Variants in NAE1 observed in about 807,000 individuals in gnomAD.
NAE1 encodes NEDD8 activating enzyme E1 subunit 1, also known as NEDD8-activating enzyme E1 regulatory subunit.
NAE1 carries 59 observed loss-of-function variants against 88.0 expected under a neutral mutation model. The ratio of observed to expected loss-of-function variants is 0.67; its 90% confidence interval spans 0.54 to 0.83. The LOEUF (loss-of-function observed/expected upper bound fraction) is 0.83, where lower values mean the gene tolerates loss of function less well. Ranked by LOEUF, NAE1 falls within the 40% of genes least tolerant of loss-of-function variation. The pLI is 0.00. For synonymous variants in NAE1, 186 were observed against 208.9 expected (o/e 0.89, Z 0.95); for missense variants, 554 against 632.8 (o/e 0.88, Z 1.34).
intron 13 of NAE1, among the ~76,000 whole-genome samples, chr16:66,812,301 G>T (rs1165249165): frequency 6.6e-6 from 1 of 151,910 alleles, no homozygotes; most frequent in Non-Finnish European, 1.5e-5. Flanking sequence ...AATGGGGCCG[G>T]TAACAGTCTC....
intron 1 of NAE1, among the ~76,000 whole-genome samples, chr16:66,829,790 A>T (rs1960618532): frequency 6.6e-6 from 1 of 152,244 alleles, no homozygotes; most frequent in Non-Finnish European, 1.5e-5. Context: ...CTGTCCATTA[A>T]GGTAGCTGCT....
chr16:66,826,879 TATG>T (rs1446227504), intron 1 of NAE1, 99 bp from the exon 2 acceptor site: 11 of 1,055,218 alleles, frequency 1.0e-5, no homozygotes, highest in African/African-American at 8.0e-5. Flanking sequence ...CATAGACTGA[TATG>T]ATAACCACAG....
At chr16:66,808,741 G>C in intron 16 of NAE1, 128 bp from the exon 17 acceptor site, 1 of 741,420 alleles carries the variant, frequency 1.3e-6, no homozygotes, top group Non-Finnish European at 2.3e-6. Flanking sequence ...TACTGAAGTA[G>C]TAACATACTG....
chr16:66,830,758 G>T, intron 1 of NAE1, 89 bp downstream of exon 1: 2 of 1,290,652 alleles, frequency 1.5e-6, no homozygotes, highest in Non-Finnish European at 1.1e-6. Context: ...GCCTGAGGAA[G>T]GCCCGACCGC....
At chr16:66,821,341 T>C in intron 7 of NAE1, 109 bp downstream of exon 7, 1 of 1,327,508 alleles carries the variant, frequency 7.5e-7, no homozygotes. Flanking sequence ...ACTAGAGATG[T>C]GCTGCTACAA....
chr16:66,813,868 T>G, intron 11 of NAE1, 22 bp from the exon 12 acceptor site: 1 of 1,603,174 alleles, frequency 6.2e-7, no homozygotes, highest in Non-Finnish European at 8.5e-7. Flanking sequence ...ACATGAAACA[T>G]TTACTTACAC....
At chr16:66,821,129 T>C (rs1960240529) in intron 7 of NAE1, among the ~76,000 whole-genome samples, 2 of 152,256 alleles carry the variant, frequency 1.3e-5, no homozygotes, top group Middle Eastern at 3.4e-3. Context: ...GTCAGAGTGA[T>C]CCACATTCCT....
chr16:66,808,125 C>T (rs1040860681), intron 17 of NAE1, among the ~76,000 whole-genome samples: 11 of 152,138 alleles, frequency 7.2e-5, no homozygotes, highest in African/African-American at 2.2e-4. Context: ...CTCCTGGGCT[C>T]AAGCAATCTG....
intron 1 of NAE1, among the ~76,000 whole-genome samples, chr16:66,829,986 A>G (rs1261783385): frequency 2.0e-5 from 3 of 152,208 alleles, no homozygotes. Flanking sequence ...CCTGGATTCA[A>G]CCGATTCTCC....
chr16:66,806,097 CTA>C (rs1959551480), intron 17 of NAE1, 71 bp from the exon 18 acceptor site: 13 of 1,459,754 alleles, frequency 8.9e-6, no homozygotes, highest in East Asian at 2.4e-5. Context: ...TTTATTTAAT[CTA>C]GTTTCAGATG....
At position 66,830,911 on chromosome 16, in the gene NAE1, C is replaced by T. The variant is rs759626496; in HGVS notation, c.-12G>A. On this transcript the variant is annotated 5_prime_UTR_variant, in exon 1 of 20. Coordinates refer to ENST00000290810, the MANE Select transcript of NAE1 (RefSeq NM_003905.4). ...CCCAGCTGCGCCATGGCCGCGCCTG[C>T]CGCGCGGAAAACAGCCGAGCCCCTG... The T allele has an allele frequency of 3.3e-6, 5 of 1,532,048 alleles. No individual in the cohort carries two copies. The African/African-American group carries it at 4.3e-5, about 13-fold the overall frequency. The allele number at this position is 1,532,048 out of a possible 1,614,324, so 94.9% of individuals were successfully genotyped here.
At chr16:66,810,334 C>T (rs1959743128) in intron 15 of NAE1, 40 bp downstream of exon 15, 1 of 1,511,988 alleles carries the variant, frequency 6.6e-7, no homozygotes, top group Non-Finnish European at 9.2e-7. Flanking sequence ...TGGCACATTT[C>T]TATCAAGCAA....
intron 1 of NAE1, 33 bp from the exon 2 acceptor site, chr16:66,826,813 A>G (rs746914871): frequency 2.0e-5 from 31 of 1,562,238 alleles, no homozygotes; most frequent in Non-Finnish European, 2.7e-5. Context: ...ATGTTTTTAA[A>G]ACTTTCATGA....
intron 1 of NAE1, among the ~76,000 whole-genome samples, chr16:66,830,013 G>T (rs1194807270): frequency 1.3e-5 from 2 of 152,194 alleles, no homozygotes; most frequent in African/African-American, 4.8e-5. Flanking sequence ...AGCCTCCAGA[G>T]TAACTGGGAT....
chr16:66,813,572 C>T lies in NAE1; in HGVS notation c.1026G>A (p.Leu342=). The change falls in exon 13 of 20, where the codon CTG becomes CTA. Residue 342 remains leucine, a synonymous_variant. Transcript: ENST00000290810. ...TGAAAACAGTGACATACACGTTTTG[C>T]AGTTTTATATATTTGCCTGAATCTG... The part of the protein sequence containing the change: ...MIADSGKYIK[L]QNVYREKAKK... 6.2e-7 allele frequency: 1 copy of T among 1,609,850 alleles called. No homozygotes were observed. The highest frequency in any genetic ancestry group is 1.7e-5 in the Admixed American group (1 of 59,366).
rs761647890 is a variant in NAE1 at position 66,826,782 on chromosome 16, T to C, written c.54-2A>G. ...TCTTGCCCATGATCACCCCACAACCTACAAAACAGACACAAATTTGATGTT... is the reference window on the plus strand; with the variant it reads ...TCTTGCCCATGATCACCCCACAACCCACAAAACAGACACAAATTTGATGTT... On this transcript the variant is annotated splice_acceptor_variant, in intron 1 of 19. Transcript: ENST00000290810. LOFTEE classifies it high-confidence loss of function. The C allele has an allele frequency of 8.2e-6, 13 of 1,584,074 alleles. No individual in the cohort carries two copies. Among genetic ancestry groups the C allele is most frequent in the Non-Finnish European group, 1.1e-5 (13 of 1,170,178 alleles).
intron 6 of NAE1, among the ~76,000 whole-genome samples, chr16:66,821,937 A>G (rs942350897): frequency 6.6e-6 from 1 of 152,124 alleles, no homozygotes; most frequent in African/African-American, 2.4e-5. Context: ...TGGCATGATC[A>G]TGGCTCACTG....
Position 66,803,035 on chromosome 16 carries a change from G to T in NAE1, c.1579C>A (p.Gln527Lys). ...TACAACTGGAAAGTTGCTGAAGTTT[G>T]TGACATGCCACTGTAAATGTAAGTA... ...NNTYIYSGMS[Q>K]TSATFQL is the part of the protein sequence containing the mutation. Residue 527 changes from glutamine (Q) to lysine (K), a missense_variant, in exon 20 of 20, where the codon CAA becomes AAA. Physicochemically the swap from Gln to Lys is moderately conservative, Grantham distance 53. Coordinates refer to ENST00000290810, the MANE Select transcript of NAE1 (RefSeq NM_003905.4). 6.2e-7 allele frequency: 1 copy of T among 1,610,084 alleles called. No homozygotes were observed. The highest frequency in any genetic ancestry group is 8.5e-7 in the Non-Finnish European group (1 of 1,176,642).
chr16:66,812,403 TAA>T (rs1329271195), intron 13 of NAE1, among the ~76,000 whole-genome samples: 2 of 152,042 alleles, frequency 1.3e-5, no homozygotes, highest in African/African-American at 2.4e-5. Context: ...GATCAAATAT[TAA>T]GTTTATCATG....
Sources: allele counts gnomAD v4.1 joint callset (sites outside exome capture counted in the v4.1 genomes callset), GRCh38; gene constraint gnomAD v4.1.1; transcripts MANE v1.5; gene names NCBI Gene and HGNC (gene_info 2026-07-23, HGNC 2026-07-21).